Variants in PCNT observed in about 807,000 individuals in gnomAD.
PCNT encodes pericentrin.
In PCNT, 319 loss-of-function variants were observed where a neutral mutation model predicts 380.4. That is an observed-to-expected ratio of 0.84 (90% CI 0.77 to 0.92). The LOEUF (loss-of-function observed/expected upper bound fraction) is 0.92, where lower values mean the gene tolerates loss of function less well. Among genes scored for constraint, PCNT ranks in the 40% least tolerant of loss-of-function variants. PCNT has a pLI of 0.00. For synonymous variants in PCNT, 1,845 were observed against 1,735.2 expected (o/e 1.06, Z -1.57); for missense variants, 4,400 against 4,255.3 (o/e 1.03, Z -0.95).
At chr21:46,431,331 T>G (rs1771307870) in intron 37 of PCNT, 198 bp from the exon 38 acceptor site, 1 of 1,436,562 alleles carries the variant, frequency 7.0e-7, no homozygotes. Flanking sequence ...CCGAAAAAAG[T>G]ATGTCATCTC....
At chr21:46,393,175 G>A (rs2086091673) in intron 21 of PCNT, among the ~76,000 whole-genome samples, 2 of 152,208 alleles carry the variant, frequency 1.3e-5, no homozygotes, top group African/African-American at 2.4e-5. Flanking sequence ...CACAGGGGGA[G>A]TGCGGGGGAA....
At chr21:46,362,644 C>T (rs2084760437) in intron 13 of PCNT, among the ~76,000 whole-genome samples, 1 of 151,942 alleles carries the variant, frequency 6.6e-6, no homozygotes, top group Admixed American at 6.6e-5. Flanking sequence ...ACTTTTTTCT[C>T]TTTGAAAGTC....
chr21:46,363,417 G>A, intron 13 of PCNT, 63 bp from the exon 14 acceptor site: 1 of 1,375,518 alleles, frequency 7.3e-7, no homozygotes, highest in Non-Finnish European at 1.0e-6. Context: ...GGTTTGGGTT[G>A]TCTCTTCTAA....
chr21:46,328,254 G>GT (rs34324198), intron 2 of PCNT, among the ~76,000 whole-genome samples: 57,006 of 123,252 alleles, frequency 0.46, 11,522 homozygotes, highest in Admixed American at 0.52. Flanking sequence ...GGGTTGGTGT[G>GT]TTTTTTTTTT....
chr21:46,424,751 TC>T (rs1219043441), intron 32 of PCNT, among the ~76,000 whole-genome samples: 1 of 77,966 alleles, frequency 1.3e-5, no homozygotes, highest in African/African-American at 4.8e-5. Flanking sequence ...ACGGCCTTGC[TC>T]CCCCCGTCTC....
intron 15 of PCNT, among the ~76,000 whole-genome samples, chr21:46,377,251 G>C (rs529305460): frequency 3.9e-5 from 6 of 152,318 alleles, no homozygotes; most frequent in South Asian, 2.1e-4. Context: ...GCCGTGCTGG[G>C]CAGGGAGCGG....
Position 46,412,047 on chromosome 21 carries a change from C to G in PCNT, c.5974C>G (p.Pro1992Ala). 2 of 1,607,674 alleles carry G rather than the reference C, an allele frequency of 1.2e-6. No individual in the cohort carries two copies. Among genetic ancestry groups the G allele is most frequent in the African/African-American group, 1.3e-5 (1 of 75,014 alleles). Residue 1992 changes from proline (P) to alanine (A), a missense_variant, in exon 28 of 47, where the codon CCG becomes GCG. Transcript: ENST00000359568. ...VEASHDAALE[P>A]VVPDPQGDLQ... ...GGCCTCCCATGATGCTGCTTTGGAG[C>G]CGGTTGTCCCTGACCCACAGGTGGG... is the stretch of plus-strand genomic sequence containing the variant.
At chr21:46,435,211 GTTGT>G (rs2087916531) in intron 38 of PCNT, among the ~76,000 whole-genome samples, 2 of 151,866 alleles carry the variant, frequency 1.3e-5, no homozygotes, top group African/African-American at 4.8e-5. Context: ...CTTGGCAGTT[GTTGT>G]TTTTTTTGTT....
chr21:46,373,811 C>A (rs1216170137), intron 15 of PCNT, among the ~76,000 whole-genome samples: 1 of 143,136 alleles, frequency 7.0e-6, no homozygotes, highest in Non-Finnish European at 1.5e-5. Flanking sequence ...CTCACTGCAA[C>A]CTCCGCCCCC....
intron 3 of PCNT, among the ~76,000 whole-genome samples, chr21:46,335,347 T>G (rs1394535491): frequency 6.6e-6 from 1 of 152,180 alleles, no homozygotes; most frequent in Non-Finnish European, 1.5e-5. Flanking sequence ...TTTGTTAGCA[T>G]GTGGAGGAAA....
chr21:46,386,117 A>T (rs1023758428), intron 17 of PCNT, 134 bp downstream of exon 17: 5 of 1,027,216 alleles, frequency 4.9e-6, no homozygotes, highest in South Asian at 1.3e-5. Flanking sequence ...GTGGACGGGG[A>T]CCCGGCTTCC....
chr21:46,348,446 G>T (rs925026945), intron 6 of PCNT: 1 of 177,530 alleles, frequency 5.6e-6, no homozygotes, highest in South Asian at 1.2e-4. Flanking sequence ...GTTTCAGGGT[G>T]GGTGGTCCTC....
rs762854621 is a variant in PCNT, at chr21:46,442,484, CTT to C, written c.9624-6_9624-5del. 3.2e-6 allele frequency: 5 copies of C among 1,561,706 alleles called. No individual in the cohort carries two copies. The highest frequency in any genetic ancestry group is 4.4e-6 in the Non-Finnish European group (5 of 1,132,882). On this transcript the variant is annotated splice_polypyrimidine_tract_variant and intron_variant, in intron 43 of 46. Transcript: ENST00000359568. ...CCGTACTTTTAAGTGTGTCTTGTCTCTTTTTTTTGTAGATTACGTTTTTTGGT... is the reference window on the plus strand; with the variant it reads ...CCGTACTTTTAAGTGTGTCTTGTCTCTTTTTTGTAGATTACGTTTTTTGGT...
At chr21:46,367,687 G>T (rs1305848763) in intron 15 of PCNT, among the ~76,000 whole-genome samples, 1 of 152,174 alleles carries the variant, frequency 6.6e-6, no homozygotes, top group Non-Finnish European at 1.5e-5. Context: ...TCGTACGTAT[G>T]TGGGAGGGCC....
chr21:46,391,769 A>G (rs994832099), intron 21 of PCNT, among the ~76,000 whole-genome samples: 3 of 152,268 alleles, frequency 2.0e-5, no homozygotes, highest in Non-Finnish European at 4.4e-5. Flanking sequence ...AGTGTTAACA[A>G]TATTAGTTTG....
In PCNT at chr21:46,389,178, C is replaced by T. The variant is rs372220070; in HGVS notation, c.3608-21C>T. Reference sequence around the variant, plus strand: ...GGCTTGCTCACTGAGCCGCGTGTGCCGGCATCTGCTCATCTTGTAGCTCCG... The same window carrying T: ...GGCTTGCTCACTGAGCCGCGTGTGCTGGCATCTGCTCATCTTGTAGCTCCG... On this transcript the variant is annotated intron_variant, in intron 18 of 46. Coordinates refer to ENST00000359568, the MANE Select transcript of PCNT (RefSeq NM_006031.6). The T allele has an allele frequency of 1.1e-4, 176 of 1,607,722 alleles. 1 individual carries two copies. Among genetic ancestry groups the T allele is most frequent in the South Asian group, 2.3e-4 (21 of 90,962 alleles).
At chr21:46,324,760 C>T (rs2083309213) in intron 1 of PCNT, 2 of 520,930 alleles carry the variant, frequency 3.8e-6, no homozygotes, top group South Asian at 8.1e-5. Flanking sequence ...ATTCGGGTGG[C>T]TGCTTGGTCT....
intron 27 of PCNT, among the ~76,000 whole-genome samples, chr21:46,407,874 CTCT>C (rs2147613928): frequency 6.6e-6 from 1 of 152,160 alleles, no homozygotes; most frequent in East Asian, 1.9e-4. Context: ...TTGATTTCTC[CTCT>C]TATTTTCATT....
At position 46,416,771 on chromosome 21, in the gene PCNT, G is replaced by A. The variant is rs776919543; in HGVS notation, c.6853G>A (p.Ala2285Thr). 1.1e-5 allele frequency: 18 copies of A among 1,603,292 alleles called. No individual in the cohort carries two copies. Among genetic ancestry groups the A allele is most frequent in the Admixed American group, 1.7e-5 (1 of 59,714 alleles). Residue 2285 changes from alanine to threonine, a missense_variant, in exon 30 of 47, where the codon GCA becomes ACA. Coordinates refer to ENST00000359568, the MANE Select transcript of PCNT (RefSeq NM_006031.6). ...GLLCSPGVSAAALALQWAESP... is the reference protein window; with the variant it reads ...GLLCSPGVSATALALQWAESP... Reference sequence around the variant, plus strand: ...GCTTTGTTCCCCAGGCGTGTCTGCAGCAGCGCTGGCACTGCAGTGGGCCGA... The same window carrying A: ...GCTTTGTTCCCCAGGCGTGTCTGCAACAGCGCTGGCACTGCAGTGGGCCGA...
Sources: allele counts gnomAD v4.1 joint callset (sites outside exome capture counted in the v4.1 genomes callset), GRCh38; gene constraint gnomAD v4.1.1; transcripts MANE v1.5; gene names NCBI Gene and HGNC (gene_info 2026-07-23, HGNC 2026-07-21).